Variants in ADAMTS17 observed in about 807,000 individuals in gnomAD.
The protein encoded by ADAMTS17 is A disintegrin and metalloproteinase with thrombospondin motifs 17.
In ADAMTS17, 113 loss-of-function variants were observed where a neutral mutation model predicts 141.5. That is an observed-to-expected ratio of 0.80 (90% CI 0.69 to 0.93). The LOEUF is 0.93. Ranked by LOEUF, ADAMTS17 falls within the 40% of genes least tolerant of loss-of-function variation. ADAMTS17 has a pLI of 0.00. For synonymous variants in ADAMTS17, 768 were observed against 630.6 expected, an observed-to-expected ratio of 1.22 and a Z score of -3.27; for missense variants, 1,659 against 1,517.9, an observed-to-expected ratio of 1.09 and a Z score of -1.54.
intron 3 of ADAMTS17, among the ~76,000 whole-genome samples, chr15:100,307,138 C>A (rs1327451856): frequency 6.6e-6 from 1 of 152,186 alleles, no homozygotes. Flanking sequence ...CACCTCTTTG[C>A]TTCTGAGGAC....
Position 100,228,032 on chromosome 15 carries a change from T to C in ADAMTS17, c.1075+26104A>G, listed in dbSNP as rs142038601. ...CTCAGATAAAATCCACGACGCTTTGTGGAGCCCTCAAGGCCCTGCAGATAC... is the reference window on the plus strand; with the variant it reads ...CTCAGATAAAATCCACGACGCTTTGCGGAGCCCTCAAGGCCCTGCAGATAC... On this transcript the variant is annotated intron_variant, in intron 7 of 21. Transcript: ENST00000268070. Among the ~76,000 whole-genome samples the C allele has an allele frequency of 2.9e-3, 444 of 152,332 alleles. 6 individuals are homozygous for C. Among genetic ancestry groups the C allele is most frequent in the South Asian group, 0.023 (110 of 4,818 alleles).
chr15:100,103,411 T>C (rs1365502758), intron 14 of ADAMTS17, among the ~76,000 whole-genome samples: 6 of 152,088 alleles, frequency 3.9e-5, no homozygotes, highest in Non-Finnish European at 7.4e-5. Context: ...CTCTTTGAAT[T>C]CTCCTAAACT....
At chr15:100,316,626 A>C (rs2045574278) in intron 3 of ADAMTS17, among the ~76,000 whole-genome samples, 1 of 152,168 alleles carries the variant, frequency 6.6e-6, no homozygotes, top group South Asian at 2.1e-4. Flanking sequence ...TCCTCATCCC[A>C]GGCTTGGCTT....
intron 15 of ADAMTS17, among the ~76,000 whole-genome samples, chr15:100,059,518 C>T (rs114603802): frequency 9.2e-5 from 14 of 152,160 alleles, no homozygotes; most frequent in African/African-American, 4.8e-5. Flanking sequence ...TGCAATTTGC[C>T]GTGGTCCATC....
chr15:100,163,634 CG>C (rs1209786219), intron 8 of ADAMTS17, among the ~76,000 whole-genome samples: 1 of 152,138 alleles, frequency 6.6e-6, no homozygotes, highest in Non-Finnish European at 1.5e-5. Flanking sequence ...TACAGGTGCA[CG>C]CCACCACGCT....
Position 100,096,294 on chromosome 15 carries a change from A to G in ADAMTS17, c.2137+62T>C, listed in dbSNP as rs1010772784. Reference sequence around the variant, plus strand: ...TGAAATGTAGGGAAGACTGCAATCAATAGCTGTAGGCAAAGGACACAAAAC... The same window carrying G: ...TGAAATGTAGGGAAGACTGCAATCAGTAGCTGTAGGCAAAGGACACAAAAC... On this transcript the variant is annotated intron_variant, in intron 15 of 21. Transcript: ENST00000268070. 5 of 1,606,540 alleles carry G rather than the reference A, an allele frequency of 3.1e-6. No individual in the cohort carries two copies. In the African/African-American group the frequency reaches 4.0e-5, roughly 13 times the overall value.
intron 15 of ADAMTS17, among the ~76,000 whole-genome samples, chr15:100,077,972 A>C (rs1199828729): frequency 6.6e-6 from 1 of 152,150 alleles, no homozygotes; most frequent in Non-Finnish European, 1.5e-5. Context: ...GAACAGTTGG[A>C]AAATGAAATT....
intron 3 of ADAMTS17, among the ~76,000 whole-genome samples, chr15:100,322,051 C>T (rs1420012512): frequency 6.6e-6 from 1 of 152,124 alleles, no homozygotes; most frequent in Non-Finnish European, 1.5e-5. Flanking sequence ...AATCCTCCTA[C>T]AGATAGCAAC....
At chr15:100,018,739 C>T (rs192004706) in intron 18 of ADAMTS17, among the ~76,000 whole-genome samples, 3 of 152,264 alleles carry the variant, frequency 2.0e-5, no homozygotes, top group African/African-American at 7.2e-5. Flanking sequence ...ACTAATACAT[C>T]CCCCAAACAT....
intron 13 of ADAMTS17, among the ~76,000 whole-genome samples, chr15:100,110,139 C>G (rs1208289325): frequency 7.2e-6 from 1 of 138,726 alleles, no homozygotes; most frequent in Non-Finnish European, 1.5e-5. Flanking sequence ...CCACAGTGGG[C>G]CCAGGACCTG....
chr15:100,131,992 G>T lies in ADAMTS17; in HGVS notation c.1721+15C>A. On this transcript the variant is annotated intron_variant, in intron 12 of 21. Coordinates refer to ENST00000268070, the MANE Select transcript of ADAMTS17 (RefSeq NM_139057.4). ...AATCGTGGCACGTTGGGGTATGGCTGGTCAGGGGACTTACGGGGGGTTGTC... is the reference window on the plus strand; with the variant it reads ...AATCGTGGCACGTTGGGGTATGGCTTGTCAGGGGACTTACGGGGGGTTGTC... 1 of 1,614,242 alleles carries T rather than the reference G, an allele frequency of 6.2e-7. No individual in the cohort carries two copies. The highest frequency in any genetic ancestry group is 8.5e-7 in the Non-Finnish European group (1 of 1,180,056).
chr15:100,327,694 G>A (rs2045938457), intron 3 of ADAMTS17, among the ~76,000 whole-genome samples: 1 of 152,144 alleles, frequency 6.6e-6, no homozygotes, highest in African/African-American at 2.4e-5. Flanking sequence ...AAAAATCAAG[G>A]AACATTTCAA....
At chr15:100,085,934 T>C (rs1028154853) in intron 15 of ADAMTS17, among the ~76,000 whole-genome samples, 2 of 151,896 alleles carry the variant, frequency 1.3e-5, no homozygotes, top group Admixed American at 1.3e-4. Context: ...AGAAACTGCA[T>C]CAACTAATGA....
chr15:100,325,313 T>C (rs546455661), intron 3 of ADAMTS17, among the ~76,000 whole-genome samples: 1 of 152,316 alleles, frequency 6.6e-6, no homozygotes, highest in South Asian at 2.1e-4. Flanking sequence ...CCTTAGAATG[T>C]GGTTGCATTT....
intron 15 of ADAMTS17, among the ~76,000 whole-genome samples, chr15:100,062,657 G>A (rs1417891521): frequency 6.6e-6 from 1 of 152,076 alleles, no homozygotes; most frequent in African/African-American, 2.4e-5. Flanking sequence ...GAAATAAAAG[G>A]GTTTCATGGG....
chr15:100,334,558 G>A (rs1221611893), intron 2 of ADAMTS17, among the ~76,000 whole-genome samples: 3 of 152,160 alleles, frequency 2.0e-5, no homozygotes, highest in East Asian at 3.9e-4. Context: ...ACTCTCCGGC[G>A]GGCACACACC....
intron 7 of ADAMTS17, among the ~76,000 whole-genome samples, chr15:100,223,130 G>C (rs2042186239): frequency 6.6e-6 from 1 of 152,172 alleles, no homozygotes; most frequent in South Asian, 2.1e-4. Flanking sequence ...GTGAGGACGA[G>C]AGGCACCTGT....
intron 12 of ADAMTS17, among the ~76,000 whole-genome samples, chr15:100,118,852 G>A (rs773309165): frequency 4.6e-5 from 7 of 152,114 alleles, no homozygotes; most frequent in Non-Finnish European, 7.4e-5. Flanking sequence ...ATGGCACAAC[G>A]TTTCAAGCTG....
chr15:100,332,309 G>A (rs1224127585), intron 2 of ADAMTS17, among the ~76,000 whole-genome samples: 5 of 152,268 alleles, frequency 3.3e-5, no homozygotes. Context: ...GGTGGCCACA[G>A]TGGGATCTGC....
Sources: allele counts gnomAD v4.1 joint callset (sites outside exome capture counted in the v4.1 genomes callset), GRCh38; gene constraint gnomAD v4.1.1; transcripts MANE v1.5; gene names NCBI Gene and HGNC (gene_info 2026-07-23, HGNC 2026-07-21).